CTNNA3: variants seen among roughly 807,000 people sequenced by gnomAD.
The protein encoded by CTNNA3 is catenin alpha 3, also known as catenin alpha-3.
Under a neutral mutation model 95.7 loss-of-function variants are expected in CTNNA3, and 76 were observed. The observed-to-expected ratio is 0.79, with a 90% CI of 0.66 to 0.96. The LOEUF is 0.96. Among genes scored for constraint, CTNNA3 ranks in the 40% least tolerant of loss-of-function variants. The pLI, the probability that CTNNA3 is intolerant of heterozygous loss-of-function variation, is 0.00. For synonymous variants in CTNNA3, 431 were observed against 374.4 expected (o/e 1.15, Z -1.74); for missense variants, 1,191 against 1,089.8 (o/e 1.09, Z -1.31).
At chr10:66,202,305 G>A (rs2087477480) in intron 13 of CTNNA3, among the ~76,000 whole-genome samples, 1 of 152,128 alleles carries the variant, frequency 6.6e-6, no homozygotes, top group South Asian at 2.1e-4. Flanking sequence ...GTAAACAGAC[G>A]GTAGCCTCCT....
intron 16 of CTNNA3, among the ~76,000 whole-genome samples, chr10:65,987,588 T>C (rs531160022): frequency 2.0e-5 from 3 of 152,206 alleles, no homozygotes; most frequent in East Asian, 3.9e-4. Context: ...TGTAAATTAG[T>C]ACAGCCATTA....
rs533740584 is a variant in CTNNA3, at chr10:67,171,540, C to CTCCA, written c.1047+8773_1047+8776dup. On this transcript the variant is annotated intron_variant, in intron 7 of 17. Transcript: ENST00000433211. ...AGTGAGCCGAGATCACACCATTGCACTCCAGCCTGGGCAACAACAGTGAAA... is the reference window on the plus strand; with the variant it reads ...AGTGAGCCGAGATCACACCATTGCACTCCATCCAGCCTGGGCAACAACAGTGAAA... 9.6e-4 allele frequency among the ~76,000 whole-genome samples: 145 copies of CTCCA among 151,812 alleles called. 3 individuals are homozygous for CTCCA. The Middle Eastern group carries it at 0.024, about 25-fold the overall frequency.
At chr10:66,237,106 G>T (rs887203596) in intron 13 of CTNNA3, among the ~76,000 whole-genome samples, 4 of 152,038 alleles carry the variant, frequency 2.6e-5, no homozygotes, top group African/African-American at 9.7e-5. Flanking sequence ...ACAGAGCAAG[G>T]TCATGTCTGA....
intron 13 of CTNNA3, among the ~76,000 whole-genome samples, chr10:66,172,510 G>GTA (rs1198781856): frequency 6.6e-6 from 1 of 151,752 alleles, no homozygotes; most frequent in African/African-American, 2.4e-5. Context: ...ATGTATGTGT[G>GTA]TATATATATT....
chr10:67,024,640 G>A (rs1853239885), intron 7 of CTNNA3, among the ~76,000 whole-genome samples: 2 of 152,094 alleles, frequency 1.3e-5, no homozygotes, highest in Admixed American at 6.5e-5. Context: ...ATGCAAATGG[G>A]TGTAACCAGC....
At chr10:66,560,993 G>A (rs1445705695) in intron 10 of CTNNA3, among the ~76,000 whole-genome samples, 1 of 151,802 alleles carries the variant, frequency 6.6e-6, no homozygotes, top group Non-Finnish European at 1.5e-5. Flanking sequence ...GTAGAACTGT[G>A]GGAAATAAAT....
intron 5 of CTNNA3, among the ~76,000 whole-genome samples, chr10:67,398,924 C>T (rs1203443682): frequency 6.6e-6 from 1 of 152,148 alleles, no homozygotes; most frequent in East Asian, 1.9e-4. Flanking sequence ...GCCTTCCAGC[C>T]ATGTTGAACT....
intron 7 of CTNNA3, among the ~76,000 whole-genome samples, chr10:66,858,526 T>G (rs1207594057): frequency 6.6e-6 from 1 of 152,052 alleles, no homozygotes; most frequent in East Asian, 1.9e-4. Flanking sequence ...TGAATTCATC[T>G]GGTCCTGGGC....
At chr10:66,819,105 A>AT (rs1038330702) in intron 7 of CTNNA3, among the ~76,000 whole-genome samples, 6 of 151,118 alleles carry the variant, frequency 4.0e-5, no homozygotes, top group Non-Finnish European at 8.9e-5. Flanking sequence ...AAAAAAAAAA[A>AT]AAAAAAAAAA....
At chr10:66,987,224 G>A (rs1188536462) in intron 7 of CTNNA3, among the ~76,000 whole-genome samples, 1 of 152,136 alleles carries the variant, frequency 6.6e-6, no homozygotes, top group Non-Finnish European at 1.5e-5. Flanking sequence ...CTTTTTCTCT[G>A]AATGAAACGG....
intron 5 of CTNNA3, among the ~76,000 whole-genome samples, chr10:67,374,413 T>TA (rs1193543320): frequency 6.9e-5 from 3 of 43,332 alleles, no homozygotes; most frequent in Admixed American, 4.3e-4. Flanking sequence ...TCTTTCAAAA[T>TA]AAAAAAATTG....
intron 13 of CTNNA3, among the ~76,000 whole-genome samples, chr10:66,247,564 G>T (rs761539488): frequency 1.1e-4 from 16 of 151,990 alleles, no homozygotes; most frequent in African/African-American, 2.9e-4. Context: ...ACTCCCAAAG[G>T]TTGAAAATAA....
chr10:66,427,656 G>T (rs1416201522), intron 11 of CTNNA3, among the ~76,000 whole-genome samples: 1 of 151,812 alleles, frequency 6.6e-6, no homozygotes, highest in Non-Finnish European at 1.5e-5. Flanking sequence ...CAGCATATGA[G>T]TGATATCTGC....
intron 7 of CTNNA3, among the ~76,000 whole-genome samples, chr10:67,006,350 A>C (rs1183512811): frequency 2.0e-5 from 3 of 152,108 alleles, no homozygotes; most frequent in Non-Finnish European, 4.4e-5. Context: ...ATTGCTAATA[A>C]ACTTTGCAAA....
intron 3 of CTNNA3, among the ~76,000 whole-genome samples, chr10:67,556,721 A>AT (rs1438201118): frequency 1.3e-5 from 2 of 152,086 alleles, no homozygotes; most frequent in African/African-American, 4.8e-5. Flanking sequence ...GGATTCATTG[A>AT]TTTTTTGAAG....
At chr10:65,920,675 C>A in intron 17 of CTNNA3, 58 bp from the exon 18 acceptor site, 2 of 1,557,700 alleles carry the variant, frequency 1.3e-6, no homozygotes, top group South Asian at 1.2e-5. Flanking sequence ...TTAATTATTG[C>A]CAAGCGTGGG....
At chr10:65,979,863 T>C (rs1167221817) in intron 16 of CTNNA3, among the ~76,000 whole-genome samples, 1 of 152,066 alleles carries the variant, frequency 6.6e-6, no homozygotes, top group African/African-American at 2.4e-5. Context: ...TATTTAAATC[T>C]TGAGAACTTT....
At chr10:67,149,944 A>G (rs1861019576) in intron 7 of CTNNA3, among the ~76,000 whole-genome samples, 1 of 152,242 alleles carries the variant, frequency 6.6e-6, no homozygotes, top group Admixed American at 6.5e-5. Flanking sequence ...ATTTTAATAA[A>G]TAATTCACAC....
chr10:66,734,008 A>T (rs2132673869), intron 9 of CTNNA3, among the ~76,000 whole-genome samples: 1 of 152,002 alleles, frequency 6.6e-6, no homozygotes, highest in East Asian at 1.9e-4. Flanking sequence ...TTTTACCAAA[A>T]AGTACAAGTT....
Sources: gnomAD v4.1 joint callset for allele counts (sites outside exome capture counted in the v4.1 genomes callset) on GRCh38, gnomAD v4.1.1 for gene constraint, MANE v1.5 for transcripts, NCBI Gene and HGNC (gene_info 2026-07-23, HGNC 2026-07-21) for gene names.